The following RAP1GAP2 variants were observed in gnomAD, a reference collection of about 807,000 sequenced individuals.
RAP1GAP2 encodes rap1 GTPase-activating protein 2.
RAP1GAP2 carries 27 observed loss-of-function variants against 95.0 expected under a neutral mutation model. The ratio of observed to expected loss-of-function variants is 0.28; its 90% CI spans 0.21 to 0.39. The LOEUF (loss-of-function observed/expected upper bound fraction) is 0.39, where lower values mean the gene tolerates loss of function less well. Among genes scored for constraint, RAP1GAP2 ranks in the 10% least tolerant of loss-of-function variants. The pLI, the probability that RAP1GAP2 is intolerant of heterozygous loss-of-function variation, is 1.00. For missense variants in RAP1GAP2, 771 were observed against 970.0 expected (o/e 0.79, Z 2.72); for synonymous variants, 373 against 380.9 (o/e 0.98, Z 0.24).
chr17:2,855,925 A>G lies in RAP1GAP2; in HGVS notation c.81-49359A>G, dbSNP rs1263173955. On this transcript the variant is annotated intron_variant, in intron 2 of 24. Coordinates refer to ENST00000254695, the MANE Select transcript of RAP1GAP2 (RefSeq NM_015085.5). This position sits in a 1 kb window ranked among gnomAD's most constrained non-coding sequence, Gnocchi z 4.3. ...CACCGTGCCCGGCTGAAGTGAATCT[A>G]TTTAATAGAAATAGTAGTAATAATA... 6.6e-6 allele frequency among the ~76,000 whole-genome samples: 1 copy of G among 152,170 alleles called. No individual in the cohort carries two copies. Among genetic ancestry groups the G allele is most frequent in the Non-Finnish European group, 1.5e-5 (1 of 68,030 alleles).
chr17:2,776,597 A>G (rs1421810218), upstream of RAP1GAP2, among the ~76,000 whole-genome samples: 1 of 151,848 alleles, frequency 6.6e-6, no homozygotes, highest in Non-Finnish European at 1.5e-5. Context: ...AGGCAGCGGC[A>G]CAGGGACCAG....
At position 3,003,564 on chromosome 17, in the gene RAP1GAP2, G is replaced by A. The variant is rs1347405257; in HGVS notation, c.1201-1805G>A. The stretch of plus-strand genomic sequence containing the variant: ...CTCTTGGGCGTGGGGCCTTTGTCAC[G>A]TTTGAAGCTTTCTGAGGTTCCCAGT... On this transcript the variant is annotated intron_variant, in intron 14 of 24. Transcript: ENST00000254695. The surrounding 1 kb of genome is among the most constrained non-coding windows in gnomAD (Gnocchi z 4.1). Among the ~76,000 whole-genome samples the A allele has an allele frequency of 8.5e-5, 13 of 152,166 alleles. No homozygotes were observed. Among genetic ancestry groups the A allele is most frequent in the Admixed American group, 7.2e-4 (11 of 15,278 alleles).
upstream of RAP1GAP2, among the ~76,000 whole-genome samples, chr17:2,776,683 G>C (rs1273530450): frequency 2.0e-5 from 3 of 150,002 alleles, no homozygotes; most frequent in Non-Finnish European, 4.5e-5. Context: ...CGCGGGCTCC[G>C]GCTGCGCGTG....
chr17:2,804,305 G>C (rs777787880), intron 2 of RAP1GAP2, among the ~76,000 whole-genome samples: 92 of 152,232 alleles, frequency 6.0e-4, no homozygotes, highest in Non-Finnish European at 9.1e-4. Context: ...TGTGTGCTCA[G>C]GCTTCGTTGC....
Position 3,029,625 on chromosome 17 carries a change from G to A in RAP1GAP2, c.2108-1297G>A, listed in dbSNP as rs1215417196. ...GAAGAGGACTGATAGGTTACACAGA[G>A]GTGTTGTAGCCCTGGGTGGAACTCC... On this transcript the variant is annotated intron_variant, in intron 22 of 24. Coordinates refer to ENST00000254695, the MANE Select transcript of RAP1GAP2 (RefSeq NM_015085.5). This position sits in a 1 kb window ranked among gnomAD's most constrained non-coding sequence, Gnocchi z 4.4. Among the ~76,000 whole-genome samples, 1 of 152,116 alleles carries A rather than the reference G, an allele frequency of 6.6e-6. No individual in the cohort carries two copies. The highest frequency in any genetic ancestry group is 2.4e-5 in the African/African-American group (1 of 41,412).
At chr17:2,773,306 C>T (rs2068433692), upstream of RAP1GAP2, among the ~76,000 whole-genome samples, 1 of 152,180 alleles carries the variant, frequency 6.6e-6, no homozygotes, top group Admixed American at 6.6e-5. Context: ...TAAGAACTCA[C>T]CCTACTAGGG....
At chr17:2,793,183 C>T (rs531688760), upstream of RAP1GAP2, among the ~76,000 whole-genome samples, 75 of 144,940 alleles carry the variant, frequency 5.2e-4, no homozygotes, top group Non-Finnish European at 8.1e-4. Context: ...GATAGAGTTT[C>T]GCTCTTGTCG....
intron 4 of RAP1GAP2, among the ~76,000 whole-genome samples, chr17:2,961,905 T>A (rs2044347949): frequency 6.6e-6 from 1 of 151,152 alleles, no homozygotes; most frequent in Admixed American, 6.6e-5. Context: ...TTTTTTTTTT[T>A]TTTTTTTTTA....
At chr17:3,032,508 C>A in intron 24 of RAP1GAP2, 59 bp downstream of exon 24, 1 of 1,529,754 alleles carries the variant, frequency 6.5e-7, no homozygotes, top group South Asian at 1.1e-5. Context: ...TCTTTTAGAT[C>A]AGGGAACTAG....
At chr17:2,950,061 C>CTTT (rs35321854) in intron 3 of RAP1GAP2, among the ~76,000 whole-genome samples, 80,838 of 140,974 alleles carry the variant, frequency 0.57, 24,685 homozygotes, top group Admixed American at 0.69. Flanking sequence ...TCTTCTTCTT[C>CTTT]TTTTTTTTTT....
At chr17:2,765,610 G>A (rs574795175) in intron 1 of RAP1GAP2, among the ~76,000 whole-genome samples, 1 of 151,930 alleles carries the variant, frequency 6.6e-6, no homozygotes, top group Non-Finnish European at 1.5e-5. Flanking sequence ...GGGCATGGTG[G>A]TGGGCGCCTG....
intron 2 of RAP1GAP2, among the ~76,000 whole-genome samples, chr17:2,886,198 A>G (rs1340180096): frequency 4.8e-5 from 6 of 126,084 alleles, no homozygotes; most frequent in African/African-American, 6.3e-5. Context: ...TTTGAGCCGG[A>G]GTCTCGCTGT....
At chr17:2,907,051 C>T (rs898153475) in intron 3 of RAP1GAP2, among the ~76,000 whole-genome samples, 4 of 152,052 alleles carry the variant, frequency 2.6e-5, no homozygotes, top group African/African-American at 9.7e-5. Context: ...AGGGTGGTAG[C>T]AGCTCCTACC....
At chr17:2,835,726 C>G (rs2151557844) in intron 2 of RAP1GAP2, among the ~76,000 whole-genome samples, 1 of 152,288 alleles carries the variant, frequency 6.6e-6, no homozygotes, top group South Asian at 2.1e-4. Context: ...GTGACCCTGT[C>G]TATAAATAAA....
chr17:2,797,860 T>C lies in RAP1GAP2; in HGVS notation c.44+1289T>C. 5 of 867,488 alleles carry C rather than the reference T, an allele frequency of 5.8e-6. No homozygotes were observed. Among genetic ancestry groups the C allele is most frequent in the Non-Finnish European group, 5.5e-6 (4 of 722,464 alleles). 53.7% of individuals were successfully genotyped at this position (867,488 alleles called of 1,614,324 possible). A position where few individuals can be genotyped will look rare whatever the true frequency, so the allele number is the denominator to read the frequency against. On this transcript the variant is annotated intron_variant, in intron 1 of 24. Coordinates refer to ENST00000254695, the MANE Select transcript of RAP1GAP2 (RefSeq NM_015085.5). This position sits in a 1 kb window ranked among gnomAD's most constrained non-coding sequence, Gnocchi z 5.6. ...GGTGTGTGTGTCTTGGCTGTGGGCC[T>C]TGCAGGGCAGGGCCCAGCAATTAGA... is the stretch of plus-strand genomic sequence containing the variant.
intron 20 of RAP1GAP2, 21 bp from the exon 21 acceptor site, chr17:3,026,329 C>T (rs1219932592): frequency 1.9e-6 from 3 of 1,540,758 alleles, no homozygotes; most frequent in African/African-American, 2.7e-5. Context: ...CCGGGCTGGC[C>T]TCACTTCCTA....
At chr17:2,805,065 T>C (rs1489265291) in intron 2 of RAP1GAP2, among the ~76,000 whole-genome samples, 1 of 152,202 alleles carries the variant, frequency 6.6e-6, no homozygotes, top group East Asian at 1.9e-4. Context: ...GTGCATTACA[T>C]CCCTGACTCC....
chr17:2,908,551 G>A (rs995086759), intron 3 of RAP1GAP2, among the ~76,000 whole-genome samples: 4 of 151,986 alleles, frequency 2.6e-5, no homozygotes, highest in African/African-American at 7.2e-5. Context: ...AGTGGTTGGA[G>A]CTCAGATTTT....
upstream of RAP1GAP2, among the ~76,000 whole-genome samples, chr17:2,792,676 G>A (rs561703460): frequency 6.6e-6 from 1 of 152,356 alleles, no homozygotes; most frequent in African/African-American, 2.4e-5. Context: ...CTGCAGGGCC[G>A]GCAGCCGGGC....
Sources: allele counts gnomAD v4.1 joint callset (sites outside exome capture counted in the v4.1 genomes callset), GRCh38; gene constraint gnomAD v4.1.1; non-coding constraint Gnocchi (gnomAD v3.1); transcripts MANE v1.5; gene names NCBI Gene and HGNC (gene_info 2026-07-23, HGNC 2026-07-21).